The following NECTIN3 variants were observed in gnomAD, a reference collection of about 807,000 sequenced individuals.
NECTIN3 encodes nectin-3.
Under a neutral mutation model 49.4 loss-of-function variants are expected in NECTIN3, and 8 were observed. That is an observed-to-expected ratio of 0.16 (90% confidence interval 0.10 to 0.29). The LOEUF is 0.29. Ranked by LOEUF, NECTIN3 falls within the 10% of genes least tolerant of loss-of-function variation. The probability of loss-of-function intolerance (pLI) is 1.00; values close to 1 mark genes in which losing one functional copy is unlikely to be tolerated. For missense variants in NECTIN3, 581 were observed against 654.6 expected (o/e 0.89, Z 1.23); for synonymous variants, 277 against 241.1 (o/e 1.15, Z -1.38).
chr3:111,118,591 A>T (rs1010895515), intron 2 of NECTIN3, 65 bp from the exon 3 acceptor site: 23 of 1,356,602 alleles, frequency 1.7e-5, no homozygotes, highest in Admixed American at 5.5e-5. Flanking sequence ...TTTAGATGTG[A>T]CTTGGAAAGA....
chr3:111,096,965 A>G (rs977263187), intron 1 of NECTIN3, among the ~76,000 whole-genome samples: 1 of 152,098 alleles, frequency 6.6e-6, no homozygotes, highest in Non-Finnish European at 1.5e-5. Flanking sequence ...CACCTAGTGG[A>G]GCTGTGAGAA....
At chr3:111,116,616 A>G (rs549205308) in intron 2 of NECTIN3, among the ~76,000 whole-genome samples, 3 of 152,228 alleles carry the variant, frequency 2.0e-5, no homozygotes, top group African/African-American at 7.2e-5. Context: ...CACCACGTAT[A>G]ATCACAAATG....
intron 1 of NECTIN3, among the ~76,000 whole-genome samples, chr3:111,093,229 A>G (rs1223116313): frequency 6.6e-6 from 1 of 152,184 alleles, no homozygotes; most frequent in African/African-American, 2.4e-5. Context: ...AAGACAATGC[A>G]GCACTGTTCA....
At chr3:111,075,841 A>AT (rs1161481127) in intron 1 of NECTIN3, among the ~76,000 whole-genome samples, 2 of 152,142 alleles carry the variant, frequency 1.3e-5, no homozygotes, top group Non-Finnish European at 2.9e-5. Flanking sequence ...GCAGTTCCAT[A>AT]AGGTCACTTA....
At chr3:111,100,255 G>A (rs1285228848) in intron 1 of NECTIN3, among the ~76,000 whole-genome samples, 1 of 152,050 alleles carries the variant, frequency 6.6e-6, no homozygotes, top group African/African-American at 2.4e-5. Flanking sequence ...AGAATTGGTA[G>A]ATTTTTGTCT....
intron 1 of NECTIN3, 33 bp downstream of exon 1, chr3:111,072,210 G>C: frequency 6.5e-7 from 1 of 1,526,938 alleles, no homozygotes; most frequent in Non-Finnish European, 8.8e-7. Context: ...CGTGGGCTGA[G>C]GGAGCCGCCA....
chr3:111,108,660 T>C (rs993460948), intron 1 of NECTIN3, among the ~76,000 whole-genome samples: 5 of 152,162 alleles, frequency 3.3e-5, no homozygotes, highest in Admixed American at 3.3e-4. Context: ...GGCATCTGTT[T>C]CTGGTGAGGG....
rs2034519340 is a variant in NECTIN3 at position 111,134,748 on chromosome 3, T to C, written c.*533T>C. On this transcript the variant is annotated 3_prime_UTR_variant, in exon 6 of 6. Transcript: ENST00000485303. ...ATGGAATGGCTTTCCTTTTCAAACA[T>C]TATTTTCTAAGTTTCTATACAAATG... is the stretch of plus-strand genomic sequence containing the variant. The C allele has an allele frequency of 1.1e-6, 1 of 945,274 alleles. No individual in the cohort carries two copies. Among genetic ancestry groups the C allele is most frequent in the African/African-American group, 1.8e-5 (1 of 56,234 alleles). 58.6% of individuals were successfully genotyped at this position (945,274 alleles called of 1,614,324 possible).
chr3:111,125,417 G>A lies in NECTIN3; in HGVS notation c.918-767G>A, dbSNP rs150239561. Among the ~76,000 whole-genome samples the A allele has an allele frequency of 6.3e-3, 952 of 152,194 alleles. 9 individuals are homozygous for A. Among genetic ancestry groups the A allele is most frequent in the African/African-American group, 0.022 (916 of 41,522 alleles). Reference sequence around the variant, plus strand: ...TTGTTGTTTTTTTTGTTACCCTCAGGTTAGAAAAGTGATTTTTAGCAGTGT... The same window carrying A: ...TTGTTGTTTTTTTTGTTACCCTCAGATTAGAAAAGTGATTTTTAGCAGTGT... On this transcript the variant is annotated intron_variant, in intron 4 of 5. Transcript: ENST00000485303.
At chr3:111,138,839 A>G (rs969800434), downstream of NECTIN3, among the ~76,000 whole-genome samples, 3 of 151,682 alleles carry the variant, frequency 2.0e-5, no homozygotes, top group Non-Finnish European at 4.4e-5. Context: ...ATTGCTACAT[A>G]GACATGATAT....
At chr3:111,177,717 T>C (rs1021785140) in intron 7 of NECTIN3, among the ~76,000 whole-genome samples, 5 of 152,192 alleles carry the variant, frequency 3.3e-5, no homozygotes, top group South Asian at 2.1e-4. Context: ...GGGCATCGCA[T>C]TGAAAAGCAG....
intron 7 of NECTIN3, among the ~76,000 whole-genome samples, chr3:111,154,388 T>G (rs1288697976): frequency 2.6e-5 from 4 of 152,198 alleles, no homozygotes; most frequent in African/African-American, 4.8e-5. Context: ...CTGCATTTTG[T>G]TTATATATTT....
In NECTIN3 at chr3:111,166,279, T is replaced by C. The variant is rs143086695; in HGVS notation, c.1221+18795T>C. 2.5e-3 allele frequency among the ~76,000 whole-genome samples: 378 copies of C among 152,192 alleles called. 3 individuals carry two copies. Among genetic ancestry groups the C allele is most frequent in the South Asian group, 0.011 (53 of 4,816 alleles). On this transcript the variant is annotated intron_variant, in intron 7 of 8. Transcript: ENST00000493615. The stretch of plus-strand genomic sequence containing the variant: ...ATTAGCTCAAGCACGTCACATAACT[T>C]CAAGGGGGATGGGTTATATAATCCT...
Position 111,072,164 on chromosome 3 carries a change from C to T in NECTIN3, c.147C>T (p.Phe49=), listed in dbSNP as rs2030796849. The change falls in exon 1 of 6, where the codon TTC becomes TTT. Residue 49 remains phenylalanine (F), a synonymous_variant. Coordinates refer to ENST00000485303, the MANE Select transcript of NECTIN3 (RefSeq NM_015480.3). The stretch of plus-strand genomic sequence containing the variant: ...TGCTGCTCTTCCCGCTGCTGCTCTT[C>T]TCCAGGCTCTGTGGTAGGTGAACCT... ...LLLLLFPLLL[F]SRLCGALAGP... The T allele has an allele frequency of 3.2e-6, 5 of 1,555,324 alleles. No individual in the cohort carries two copies. Among genetic ancestry groups the T allele is most frequent in the Middle Eastern group, 1.7e-4 (1 of 5,952 alleles).
chr3:111,174,822 C>T (rs1418620664), intron 7 of NECTIN3, among the ~76,000 whole-genome samples: 8 of 152,076 alleles, frequency 5.3e-5, no homozygotes, highest in East Asian at 1.9e-4. Context: ...TGTCTGTAGA[C>T]GGCTTGAGTG....
At chr3:111,179,957 G>A (rs1486801809) in intron 7 of NECTIN3, among the ~76,000 whole-genome samples, 2 of 151,380 alleles carry the variant, frequency 1.3e-5, no homozygotes, top group Non-Finnish European at 2.9e-5. Context: ...ATGGCAGTCT[G>A]CACTGATCAC....
At chr3:111,156,730 T>C (rs895504597) in intron 7 of NECTIN3, among the ~76,000 whole-genome samples, 7 of 152,148 alleles carry the variant, frequency 4.6e-5, no homozygotes, top group Admixed American at 2.6e-4. Context: ...ATAGTTCAAA[T>C]TCCTGTTCCT....
At chr3:111,180,936 T>G (rs939826717) in intron 7 of NECTIN3, among the ~76,000 whole-genome samples, 1 of 151,982 alleles carries the variant, frequency 6.6e-6, no homozygotes. Context: ...CAAGTTAGAG[T>G]TTTTTTTAAA....
intron 2 of NECTIN3, among the ~76,000 whole-genome samples, chr3:111,114,450 T>C (rs940664996): frequency 4.6e-5 from 7 of 152,190 alleles, no homozygotes; most frequent in African/African-American, 1.4e-4. Context: ...CACACTATTA[T>C]GTTTTCTCCA....
Sources: gnomAD v4.1 joint callset for allele counts (sites outside exome capture counted in the v4.1 genomes callset) on GRCh38, gnomAD v4.1.1 for gene constraint, MANE v1.5 for transcripts, NCBI Gene and HGNC (gene_info 2026-07-23, HGNC 2026-07-21) for gene names.